The following TMEM38B variants were observed in gnomAD, a reference collection of about 807,000 sequenced individuals.
The protein encoded by TMEM38B is transmembrane protein 38B.
Under a neutral mutation model 28.7 loss-of-function variants are expected in TMEM38B, and 24 were observed. The observed-to-expected ratio is 0.84, with a 90% CI of 0.61 to 1.18. TMEM38B has a LOEUF of 1.18. Among genes scored for constraint, TMEM38B ranks in the 50% most tolerant of loss-of-function variants. The pLI is 0.00. For synonymous variants in TMEM38B, 131 were observed against 127.7 expected, an observed-to-expected ratio of 1.03 and a Z score of -0.17; for missense variants, 380 against 350.9, an observed-to-expected ratio of 1.08 and a Z score of -0.66.
At chr9:105,745,578 G>A (rs7856356) in intron 4 of TMEM38B, among the ~76,000 whole-genome samples, 31,679 of 151,912 alleles carry the variant, frequency 0.21, 5,110 homozygotes, top group East Asian at 0.47. Context: ...CTGTGCAGAA[G>A]CTCTTGAGTT....
chr9:105,751,292 C>T lies in TMEM38B; in HGVS notation c.660+3102C>T, dbSNP rs531666119. ...TGGGAGCAGCATGGGGCCAAAGGAACCCCCATTGCCAGCCAAGGGAAGCAG... is the reference window on the plus strand; with the variant it reads ...TGGGAGCAGCATGGGGCCAAAGGAATCCCCATTGCCAGCCAAGGGAAGCAG... On this transcript the variant is annotated intron_variant, in intron 5 of 5. Coordinates refer to ENST00000374692, the MANE Select transcript of TMEM38B (RefSeq NM_018112.3). Among the ~76,000 whole-genome samples the T allele has an allele frequency of 2.0e-5, 3 of 152,290 alleles. No individual in the cohort carries two copies. In the East Asian group the frequency reaches 5.8e-4, roughly 29 times the overall value.
intron 4 of TMEM38B, among the ~76,000 whole-genome samples, chr9:105,724,751 T>C (rs898725575): frequency 2.6e-5 from 4 of 152,148 alleles, no homozygotes; most frequent in African/African-American, 9.7e-5. Context: ...AGTTTAGAAA[T>C]AGAACAAAGG....
At position 105,722,626 on chromosome 9, in the gene TMEM38B, G is replaced by A. The variant is rs1564395226; in HGVS notation, c.542+5G>A. 1.2e-6 allele frequency: 2 copies of A among 1,611,182 alleles called. No homozygotes were observed. Among genetic ancestry groups the A allele is most frequent in the Non-Finnish European group, 1.7e-6 (2 of 1,177,550 alleles). ...TGAATGGCTGAAGATGTCATAGTAA[G>A]TTGGTATAAATTATACTGAGACCTA... On this transcript the variant is annotated splice_donor_5th_base_variant and intron_variant, in intron 4 of 5. Transcript: ENST00000374692.
chr9:105,730,032 AT>A (rs1489309141), intron 4 of TMEM38B, among the ~76,000 whole-genome samples: 1 of 152,184 alleles, frequency 6.6e-6, no homozygotes, highest in Non-Finnish European at 1.5e-5. Context: ...AACAGAGACA[AT>A]TTGAATTCCT....
chr9:105,769,556 T>C (rs1333545188), intron 5 of TMEM38B, among the ~76,000 whole-genome samples: 2 of 152,124 alleles, frequency 1.3e-5, no homozygotes, highest in Non-Finnish European at 2.9e-5. Flanking sequence ...TCAAGCAACC[T>C]TCCCGCAAAC....
intron 4 of TMEM38B, among the ~76,000 whole-genome samples, chr9:105,742,329 C>T (rs1484778377): frequency 6.6e-6 from 1 of 152,182 alleles, no homozygotes. Flanking sequence ...AAGCTGTGGA[C>T]TCACCTCAAG....
intron 5 of TMEM38B, chr9:105,760,067 C>T: frequency 9.0e-7 from 1 of 1,106,966 alleles, no homozygotes. Context: ...TCTGTGTTGA[C>T]TGGTACACGA....
At chr9:105,772,515 A>G (rs1826586316) in intron 5 of TMEM38B, among the ~76,000 whole-genome samples, 2 of 152,118 alleles carry the variant, frequency 1.3e-5, no homozygotes, top group African/African-American at 4.8e-5. Flanking sequence ...TAGCCCCATC[A>G]GGTTCTGCCT....
At chr9:105,753,084 A>G (rs1391885029) in intron 5 of TMEM38B, among the ~76,000 whole-genome samples, 2 of 152,130 alleles carry the variant, frequency 1.3e-5, no homozygotes, top group Non-Finnish European at 2.9e-5. Context: ...CTTGAAGACT[A>G]TCTTTCTGAA....
chr9:105,751,699 G>A (rs567452227), intron 5 of TMEM38B, among the ~76,000 whole-genome samples: 1 of 152,294 alleles, frequency 6.6e-6, no homozygotes, highest in Admixed American at 6.5e-5. Context: ...TTGAGTTCCT[G>A]GGGGGAGGGG....
chr9:105,740,688 C>G (rs1156309864), intron 4 of TMEM38B, among the ~76,000 whole-genome samples: 2 of 152,142 alleles, frequency 1.3e-5, no homozygotes, highest in African/African-American at 4.8e-5. Context: ...CAAGTTGTCC[C>G]CTGTCCCCAC....
chr9:105,705,869 T>A, intron 2 of TMEM38B, 116 bp downstream of exon 2: 1 of 1,095,638 alleles, frequency 9.1e-7, no homozygotes, highest in Non-Finnish European at 1.3e-6. Context: ...AGTTAATGCA[T>A]CTGCAAGGAA....
At chr9:105,736,046 A>ATT (rs1332847190) in intron 4 of TMEM38B, among the ~76,000 whole-genome samples, 7 of 136,784 alleles carry the variant, frequency 5.1e-5, no homozygotes, top group African/African-American at 2.0e-4. Flanking sequence ...ACTAAAACAC[A>ATT]TTTTTTTTGT....
intron 2 of TMEM38B, among the ~76,000 whole-genome samples, chr9:105,715,668 G>T (rs1836073889): frequency 6.6e-6 from 1 of 151,252 alleles, no homozygotes; most frequent in South Asian, 2.1e-4. Context: ...GTTTCTCTTT[G>T]TGTTTTCTGG....
intron 4 of TMEM38B, among the ~76,000 whole-genome samples, chr9:105,745,260 C>T (rs1180309480): frequency 6.6e-6 from 1 of 152,172 alleles, no homozygotes; most frequent in African/African-American, 2.4e-5. Flanking sequence ...TGTTTCCTGA[C>T]TTTTTAATGA....
chr9:105,758,991 T>A, intron 5 of TMEM38B: 1 of 1,075,636 alleles, frequency 9.3e-7, no homozygotes, highest in Non-Finnish European at 1.5e-6. Context: ...ATATATAATG[T>A]ACAACATGGC....
intron 2 of TMEM38B, 120 bp from the exon 3 acceptor site, chr9:105,721,417 G>A: frequency 1.3e-6 from 1 of 776,632 alleles, no homozygotes. Flanking sequence ...CAAGTTAAAT[G>A]TTTATATGGA....
chr9:105,756,022 G>A (rs1420092405), intron 5 of TMEM38B, among the ~76,000 whole-genome samples: 1 of 152,108 alleles, frequency 6.6e-6, no homozygotes, highest in Non-Finnish European at 1.5e-5. Flanking sequence ...CTAGAGGTCA[G>A]GAGTTCAAGA....
intron 4 of TMEM38B, among the ~76,000 whole-genome samples, chr9:105,722,958 C>T (rs962423660): frequency 3.9e-5 from 6 of 152,108 alleles, no homozygotes; most frequent in African/African-American, 1.2e-4. Context: ...GAAAATGAAT[C>T]GGTGATAGGC....
Sources: gnomAD v4.1 joint callset for allele counts (sites outside exome capture counted in the v4.1 genomes callset) on GRCh38, gnomAD v4.1.1 for gene constraint, MANE v1.5 for transcripts, NCBI Gene and HGNC (gene_info 2026-07-23, HGNC 2026-07-21) for gene names.